Variants in FERMT3 observed in about 807,000 individuals in gnomAD.
FERMT3 encodes the protein fermitin family homolog 3.
In FERMT3, 33 loss-of-function variants were observed where a neutral mutation model predicts 80.8. The observed-to-expected ratio is 0.41, with a 90% CI of 0.31 to 0.55. The LOEUF (loss-of-function observed/expected upper bound fraction) is 0.55. Ranked by LOEUF, FERMT3 falls within the 20% of genes least tolerant of loss-of-function variation. The pLI, the probability that FERMT3 is intolerant of heterozygous loss-of-function variation, is 0.31. For missense variants in FERMT3, 754 were observed against 908.7 expected (o/e 0.83, Z 2.19); for synonymous variants, 375 against 372.2 (o/e 1.01, Z -0.09).
At position 64,211,853 on chromosome 11, in the gene FERMT3, TC is replaced by T; in HGVS notation, c.786+107del. On this transcript the variant is annotated intron_variant, in intron 6 of 14. Transcript: ENST00000345728. The surrounding 1 kb of genome is among the most constrained non-coding windows in gnomAD (Gnocchi z 4.7). ...TTAGTGACTTGTAGTGGCCTGTCCG[TC>T]TGCCCGTTTGTCCATCCACACCTTT... 1 of 1,086,692 alleles carries T rather than the reference TC, an allele frequency of 9.2e-7. No individual in the cohort carries two copies. 67.3% of individuals were successfully genotyped at this position (1,086,692 alleles called of 1,614,324 possible). A position where few individuals can be genotyped will look rare whatever the true frequency, so the allele number is the denominator to read the frequency against.
Position 64,223,599 on chromosome 11 carries a change from C to G in FERMT3, c.*107C>G. 7.5e-7 allele frequency: 1 copy of G among 1,338,828 alleles called. No homozygotes were observed. Among genetic ancestry groups the G allele is most frequent in the African/African-American group, 1.4e-5 (1 of 69,368 alleles). 82.9% of individuals were successfully genotyped at this position (1,338,828 alleles called of 1,614,324 possible). ...ACACCCGCTCCAGGCAGGCACCCAG[C>G]TGGGCATTTCACCTGCTGTCACTGA... On this transcript the variant is annotated 3_prime_UTR_variant, in exon 15 of 15. Coordinates refer to ENST00000345728, the MANE Select transcript of FERMT3 (RefSeq NM_031471.6).
At chr11:64,206,946 A>T (rs1946323028) in intron 1 of FERMT3, 132 bp downstream of exon 1, 1 of 167,856 alleles carries the variant, frequency 6.0e-6, no homozygotes, top group African/African-American at 2.4e-5. Context: ...CTGGTTTGTG[A>T]TGTTGGCATC....
chr11:64,223,774 G>T lies in FERMT3; in HGVS notation c.*282G>T. On this transcript the variant is annotated 3_prime_UTR_variant, in exon 15 of 15. Transcript: ENST00000345728. ...CCCCTGACCTATCTGCAGTCCCCCAGCACACAAGGAAGACCAGATGTAGCT... is the reference window on the plus strand; with the variant it reads ...CCCCTGACCTATCTGCAGTCCCCCATCACACAAGGAAGACCAGATGTAGCT... 1.1e-6 allele frequency: 1 copy of T among 906,184 alleles called. No individual in the cohort carries two copies. Among genetic ancestry groups the T allele is most frequent in the Non-Finnish European group, 1.7e-6 (1 of 596,658 alleles). The allele number at this position is 906,184 out of a possible 1,614,324, so 56.1% of individuals were successfully genotyped here. A position where few individuals can be genotyped will look rare whatever the true frequency, so the allele number is the denominator to read the frequency against.
In FERMT3 at chr11:64,223,865, AAATT is replaced by A; in HGVS notation, c.*377_*380del. On this transcript the variant is annotated 3_prime_UTR_variant, in exon 15 of 15. Transcript: ENST00000345728. ...TTACTTTTTAAAATTTCTTTTTTAT[AAATT>A]AATATTTTATTGTTGGATCCTCCTC... 6.5e-7 allele frequency: 1 copy of A among 1,542,238 alleles called. No homozygotes were observed. The highest frequency in any genetic ancestry group is 8.8e-7 in the Non-Finnish European group (1 of 1,139,906).
chr11:64,221,989 T>C (rs1254484531), intron 13 of FERMT3, among the ~76,000 whole-genome samples: 1 of 145,982 alleles, frequency 6.9e-6, no homozygotes, highest in Non-Finnish European at 1.5e-5. Context: ...CTGTAATCCT[T>C]GCACTTTGGG....
At chr11:64,215,467 T>C (rs1235804363) in intron 6 of FERMT3, among the ~76,000 whole-genome samples, 1 of 152,192 alleles carries the variant, frequency 6.6e-6, no homozygotes, top group South Asian at 2.1e-4. Context: ...ATAAATACAT[T>C]GTGAATATAT....
In FERMT3 at chr11:64,210,510, A is replaced by G. The variant is rs934460033; in HGVS notation, c.161-101A>G. Reference sequence around the variant, plus strand: ...GCCCCACTCTTGGCTTAGGCAGGGCAGGGGAGTGGTCGCCCCAGGCTTCTG... The same window carrying G: ...GCCCCACTCTTGGCTTAGGCAGGGCGGGGGAGTGGTCGCCCCAGGCTTCTG... On this transcript the variant is annotated intron_variant, in intron 2 of 14. Transcript: ENST00000345728. The surrounding 1 kb of genome is among the most constrained non-coding windows in gnomAD (Gnocchi z 4.3). 2.6e-5 allele frequency: 31 copies of G among 1,200,686 alleles called. No homozygotes were observed. Among genetic ancestry groups the G allele is most frequent in the Non-Finnish European group, 3.1e-5 (25 of 819,136 alleles). 74.4% of individuals were successfully genotyped at this position (1,200,686 alleles called of 1,614,324 possible). A position where few individuals can be genotyped will look rare whatever the true frequency, so the allele number is the denominator to read the frequency against.
intron 10 of FERMT3, 53 bp downstream of exon 10, chr11:64,220,068 G>T: frequency 6.2e-7 from 1 of 1,606,760 alleles, no homozygotes; most frequent in Non-Finnish European, 8.5e-7. Flanking sequence ...TGTGGGCTAG[G>T]CAGGTGAATG....
In FERMT3 at chr11:64,221,141, G is replaced by A. The variant is rs368276405; in HGVS notation, c.1670+1G>A. On this transcript the variant is annotated splice_donor_variant, in intron 13 of 14. Transcript: ENST00000345728. LOFTEE classifies it high-confidence loss of function. ...TCGGCATCTCCTATGTCATGGTCAG[G>A]TATGGCCCCTGGCCCAGCCCCCTGC... is the stretch of plus-strand genomic sequence containing the variant. The A allele has an allele frequency of 6.2e-7, 1 of 1,608,270 alleles. No individual in the cohort carries two copies. Among genetic ancestry groups the A allele is most frequent in the Non-Finnish European group, 8.5e-7 (1 of 1,179,904 alleles).
chr11:64,220,894 C>T (rs1270037228), intron 12 of FERMT3, 122 bp from the exon 13 acceptor site: 6 of 1,535,890 alleles, frequency 3.9e-6, no homozygotes, highest in Non-Finnish European at 5.3e-6. Flanking sequence ...CCTTGGCGGC[C>T]CCACGTGGGC....
At position 64,219,141 on chromosome 11, in the gene FERMT3, G is replaced by C. The variant is rs933162240; in HGVS notation, c.787-110G>C. ...CTGGCCACTGAATGAATCTGCCTCA[G>C]CAAGGAGGGCAGGGCAGAGGGCCAA... On this transcript the variant is annotated intron_variant, in intron 6 of 14. Transcript: ENST00000345728. This position sits in a 1 kb window ranked among gnomAD's most constrained non-coding sequence, Gnocchi z 4.0. 14 of 1,027,058 alleles carry C rather than the reference G, an allele frequency of 1.4e-5. No individual in the cohort carries two copies. In the East Asian group the frequency reaches 3.7e-4, roughly 27 times the overall value. The allele number at this position is 1,027,058 out of a possible 1,614,324, so 63.6% of individuals were successfully genotyped here.
rs902100859 is a variant in FERMT3 at position 64,207,247 on chromosome 11, G to A, written c.-14-104G>A. The A allele has an allele frequency of 7.3e-6, 10 of 1,372,596 alleles. No individual in the cohort carries two copies. The East Asian group carries it at 2.1e-4, about 29-fold the overall frequency. 85.0% of individuals were successfully genotyped at this position (1,372,596 alleles called of 1,614,324 possible). A position where few individuals can be genotyped will look rare whatever the true frequency, so the allele number is the denominator to read the frequency against. ...TGCTCACTCCCGCCCTCCTTCATGA[G>A]CGGCTTTCCTCTGGGTGTGTCCAGG... On this transcript the variant is annotated intron_variant, in intron 1 of 14. Coordinates refer to ENST00000345728, the MANE Select transcript of FERMT3 (RefSeq NM_031471.6).
In FERMT3 at chr11:64,219,869, C is replaced by T. The variant is rs771851319; in HGVS notation, c.1080-22C>T. 1.2e-6 allele frequency: 2 copies of T among 1,613,866 alleles called. No homozygotes were observed. Among genetic ancestry groups the T allele is most frequent in the Non-Finnish European group, 8.5e-7 (1 of 1,179,994 alleles). ...AGGGAGGGGGTGAGGCGGCCTTTCACAAACCCCAGCATCCCACGAAGGCCC... is the reference window on the plus strand; with the variant it reads ...AGGGAGGGGGTGAGGCGGCCTTTCATAAACCCCAGCATCCCACGAAGGCCC... On this transcript the variant is annotated intron_variant, in intron 9 of 14. Coordinates refer to ENST00000345728, the MANE Select transcript of FERMT3 (RefSeq NM_031471.6). This position sits in a 1 kb window ranked among gnomAD's most constrained non-coding sequence, Gnocchi z 4.0.
In FERMT3 at chr11:64,220,512, C is replaced by T; in HGVS notation, c.1388C>T (p.Thr463Ile). The T allele has an allele frequency of 1.2e-6, 2 of 1,608,048 alleles. No individual in the cohort carries two copies. Among genetic ancestry groups the T allele is most frequent in the Non-Finnish European group, 1.7e-6 (2 of 1,177,694 alleles). ...KGRTMADSSY[T>I]SEVQAILAFL... ...CGCACCATGGCCGACAGCAGCTACA[C>T]CAGCGAGGTGCAGGCCATCCTGGCC... The change falls in exon 12 of 15, where the codon ACC becomes ATC. Residue 463 changes from threonine (T) to isoleucine (I), a missense_variant. By Grantham distance (89) the Thr-to-Ile change is moderately conservative (BLOSUM62 -1). Coordinates refer to ENST00000345728, the MANE Select transcript of FERMT3 (RefSeq NM_031471.6).
chr11:64,223,298 C>T lies in FERMT3; in HGVS notation c.1813-15C>T, dbSNP rs1471983295. 1 of 1,613,278 alleles carries T rather than the reference C, an allele frequency of 6.2e-7. No homozygotes were observed. Among genetic ancestry groups the T allele is most frequent in the Admixed American group, 1.7e-5 (1 of 60,010 alleles). On this transcript the variant is annotated splice_polypyrimidine_tract_variant and intron_variant, in intron 14 of 14. Transcript: ENST00000345728. ...CTTATCCCACCCACCATTTGCCCCT[C>T]TGTCTGCCCTTCAGGTGGCCATCGA...
rs1176330030 is a variant in FERMT3 at position 64,210,215 on chromosome 11, C to T, written c.161-396C>T. On this transcript the variant is annotated intron_variant, in intron 2 of 14. Coordinates refer to ENST00000345728, the MANE Select transcript of FERMT3 (RefSeq NM_031471.6). This position sits in a 1 kb window ranked among gnomAD's most constrained non-coding sequence, Gnocchi z 4.3. ...TGAGGACATACAACGGTGAGACAGA[C>T]GTAGTCTCTGCCTCCAGGAGCTCCC... 1.3e-5 allele frequency among the ~76,000 whole-genome samples: 2 copies of T among 152,206 alleles called. No individual in the cohort carries two copies. Among genetic ancestry groups the T allele is most frequent in the Non-Finnish European group, 1.5e-5 (1 of 68,034 alleles).
chr11:64,209,685 G>T (rs1946394325), intron 2 of FERMT3, among the ~76,000 whole-genome samples: 1 of 152,204 alleles, frequency 6.6e-6, no homozygotes, highest in South Asian at 2.1e-4. Context: ...CAGCAGTGGT[G>T]ATGCCCGGCA....
intron 6 of FERMT3, among the ~76,000 whole-genome samples, chr11:64,218,067 G>A (rs1368410250): frequency 1.5e-5 from 2 of 136,886 alleles, no homozygotes; most frequent in Non-Finnish European, 1.5e-5. Context: ...GCAGTGGCAC[G>A]ATCTCGGCTC....
At chr11:64,209,533 G>A (rs555195268) in intron 2 of FERMT3, among the ~76,000 whole-genome samples, 2 of 152,302 alleles carry the variant, frequency 1.3e-5, no homozygotes, top group South Asian at 4.1e-4. Flanking sequence ...CCGGAGAGGG[G>A]CCAGAGAGGA....
Sources: allele counts gnomAD v4.1 joint callset (sites outside exome capture counted in the v4.1 genomes callset), GRCh38; gene constraint gnomAD v4.1.1; non-coding constraint Gnocchi (gnomAD v3.1); transcripts MANE v1.5; gene names NCBI Gene and HGNC (gene_info 2026-07-23, HGNC 2026-07-21).